KHDRBS2: variants seen among roughly 807,000 people sequenced by gnomAD.
The protein encoded by KHDRBS2 is KH RNA binding domain containing, signal transduction associated 2, also known as KH domain-containing, RNA-binding, signal transduction-associated protein 2.
Under a neutral mutation model 44.3 loss-of-function variants are expected in KHDRBS2, and 26 were observed. The ratio of observed to expected loss-of-function variants is 0.59; its 90% CI spans 0.43 to 0.81. The LOEUF (loss-of-function observed/expected upper bound fraction) is 0.81. KHDRBS2 is among the 40% of genes least tolerant of loss of function. The pLI is 0.00. For synonymous variants in KHDRBS2, 194 were observed against 151.1 expected (o/e 1.28, Z -2.08); for missense variants, 476 against 433.1 (o/e 1.10, Z -0.88).
chr6:62,189,544 T>A (rs1268730869), intron 1 of KHDRBS2, among the ~76,000 whole-genome samples: 1 of 152,026 alleles, frequency 6.6e-6, no homozygotes, highest in Non-Finnish European at 1.5e-5. Flanking sequence ...TTCTTCTAAG[T>A]GCAATGCTAA....
intron 2 of KHDRBS2, among the ~76,000 whole-genome samples, chr6:62,135,958 G>A (rs1022055141): frequency 1.3e-5 from 2 of 151,640 alleles, no homozygotes; most frequent in African/African-American, 4.8e-5. Flanking sequence ...TATCTCAGAT[G>A]AATAAATTTA....
intron 6 of KHDRBS2, among the ~76,000 whole-genome samples, chr6:61,794,295 T>A (rs1229024889): frequency 3.9e-5 from 6 of 152,180 alleles, no homozygotes; most frequent in Non-Finnish European, 1.5e-5. Flanking sequence ...AGATTAAGTG[T>A]TCTAATACGT....
chr6:61,733,632 A>G (rs1214825618), intron 6 of KHDRBS2, among the ~76,000 whole-genome samples: 1 of 152,030 alleles, frequency 6.6e-6, no homozygotes, highest in Non-Finnish European at 1.5e-5. Flanking sequence ...TGTGTACATT[A>G]TATGATTTTT....
intron 6 of KHDRBS2, among the ~76,000 whole-genome samples, chr6:61,881,596 A>G (rs1193764479): frequency 1.3e-5 from 2 of 151,964 alleles, no homozygotes; most frequent in East Asian, 3.9e-4. Context: ...ACTAACTGTG[A>G]CCACAAGAGA....
At chr6:62,210,965 T>C (rs1828946788) in intron 1 of KHDRBS2, among the ~76,000 whole-genome samples, 1 of 152,110 alleles carries the variant, frequency 6.6e-6, no homozygotes, top group African/African-American at 2.4e-5. Flanking sequence ...AATAAAGCTA[T>C]CCAAATGTCA....
chr6:62,204,475 G>A (rs1172441781), intron 1 of KHDRBS2, among the ~76,000 whole-genome samples: 2 of 152,094 alleles, frequency 1.3e-5, no homozygotes, highest in Non-Finnish European at 2.9e-5. Context: ...AGAAATATTT[G>A]CATTATACTT....
At chr6:62,177,979 TA>T (rs905586434) in intron 1 of KHDRBS2, among the ~76,000 whole-genome samples, 1 of 151,414 alleles carries the variant, frequency 6.6e-6, no homozygotes, top group Non-Finnish European at 1.5e-5. Flanking sequence ...ATTTATTCCA[TA>T]AAAAATATTA....
chr6:61,661,929 C>T, the KHDRBS2 span, among the ~76,000 whole-genome samples: 10 of 151,638 alleles, frequency 6.6e-5, no homozygotes, highest in African/African-American at 1.5e-4. Context: ...AAAAAGAGCC[C>T]GCATCGCCAA....
chr6:61,570,267 A>G, the KHDRBS2 span, among the ~76,000 whole-genome samples: 2 of 152,166 alleles, frequency 1.3e-5, no homozygotes, highest in South Asian at 4.1e-4. Flanking sequence ...TCAGTGAAAT[A>G]CAAATTACAG....
chr6:62,188,422 C>T (rs146012969), intron 1 of KHDRBS2, among the ~76,000 whole-genome samples: 25 of 152,124 alleles, frequency 1.6e-4, no homozygotes, highest in Admixed American at 8.5e-4. Flanking sequence ...TTCTGTGACA[C>T]GTAGCATAAT....
chr6:61,881,757 C>A (rs1800239394), intron 6 of KHDRBS2, among the ~76,000 whole-genome samples: 1 of 151,942 alleles, frequency 6.6e-6, no homozygotes. Flanking sequence ...GGAAGTGTTA[C>A]AATATTAATA....
At chr6:62,079,708 T>C (rs1185380061) in intron 2 of KHDRBS2, among the ~76,000 whole-genome samples, 1 of 152,088 alleles carries the variant, frequency 6.6e-6, no homozygotes, top group Admixed American at 6.6e-5. Context: ...GAGTGATATC[T>C]AATATAATTA....
At chr6:62,068,511 T>A (rs1242898985) in intron 2 of KHDRBS2, among the ~76,000 whole-genome samples, 2 of 151,706 alleles carry the variant, frequency 1.3e-5, no homozygotes, top group East Asian at 2.0e-4. Context: ...TTTTAAAAAA[T>A]TTTAATAGTC....
chr6:62,222,590 C>T (rs928237800), intron 1 of KHDRBS2, among the ~76,000 whole-genome samples: 9 of 152,084 alleles, frequency 5.9e-5, no homozygotes, highest in African/African-American at 1.9e-4. Flanking sequence ...GAGTACAATC[C>T]AATATGAGAT....
intron 6 of KHDRBS2, among the ~76,000 whole-genome samples, chr6:61,843,121 A>G (rs1412505468): frequency 2.6e-5 from 4 of 152,048 alleles, no homozygotes; most frequent in Non-Finnish European, 5.9e-5. Context: ...TGAAATGTCC[A>G]GAATAGGCAG....
chr6:61,553,246 C>T, the KHDRBS2 span, among the ~76,000 whole-genome samples: 1 of 152,072 alleles, frequency 6.6e-6, no homozygotes, highest in East Asian at 1.9e-4. Flanking sequence ...TGTATGTGTC[C>T]AGGAATCTAT....
At chr6:61,559,756 T>A in the KHDRBS2 span, among the ~76,000 whole-genome samples, 21 of 152,304 alleles carry the variant, frequency 1.4e-4, no homozygotes, top group African/African-American at 4.1e-4. Flanking sequence ...TCTCTTCATA[T>A]CTGATTGCAC....
chr6:61,598,113 C>T, the KHDRBS2 span, among the ~76,000 whole-genome samples: 2 of 150,968 alleles, frequency 1.3e-5, no homozygotes, highest in South Asian at 2.1e-4. Flanking sequence ...CCACAAGACC[C>T]TGCTGACTGT....
rs61753606 is a variant in KHDRBS2 at position 61,681,015 on chromosome 6, G to A, written c.998C>T (p.Pro333Leu). 0.014 allele frequency: 22,252 copies of A among 1,611,476 alleles called. 265 individuals are homozygous for A. The highest frequency in any genetic ancestry group is 0.064 in the Middle Eastern group (387 of 6,042). ...ATTRSSLKAP[P>L]QRSARGGYRE... is the part of the protein sequence containing the mutation. ...GTATCCCCCTCTGGCTGACCTTTGC[G>A]GTGGTGCCTTCAAGCTAGAGCGGGT... Residue 333 changes from proline to leucine, a missense_variant, in exon 9 of 9, where the codon CCG (proline) becomes CTG (leucine). Pro to Leu is a moderately conservative substitution (Grantham distance 98, BLOSUM62 -3). Coordinates refer to ENST00000281156, the MANE Select transcript of KHDRBS2 (RefSeq NM_152688.4).
Sources: gnomAD v4.1 joint callset for allele counts (sites outside exome capture counted in the v4.1 genomes callset) on GRCh38, gnomAD v4.1.1 for gene constraint, MANE v1.5 for transcripts, NCBI Gene and HGNC (gene_info 2026-07-23, HGNC 2026-07-21) for gene names.